The following FRMPD1 variants were observed in gnomAD, a reference collection of about 807,000 sequenced individuals.
FRMPD1 encodes the protein FERM and PDZ domain containing 1.
In FRMPD1, 76 loss-of-function variants were observed where a neutral mutation model predicts 117.8. The observed-to-expected ratio is 0.65, with a 90% confidence interval of 0.54 to 0.78. FRMPD1 has a LOEUF of 0.78. Ranked by LOEUF, FRMPD1 falls within the 30% of genes least tolerant of loss-of-function variation. The pLI, the probability that FRMPD1 is intolerant of heterozygous loss-of-function variation, is 0.00. For missense variants in FRMPD1, 1,786 were observed against 1,964.5 expected, an observed-to-expected ratio of 0.91 and a Z score of 1.72; for synonymous variants, 783 against 770.4, an observed-to-expected ratio of 1.02 and a Z score of -0.27.
At chr9:37,611,472 T>C in the FRMPD1 span, among the ~76,000 whole-genome samples, 1 of 152,234 alleles carries the variant, frequency 6.6e-6, no homozygotes, top group African/African-American at 2.4e-5. Context: ...ATAAAATGAT[T>C]TTGAAAGGAT....
chr9:37,699,545 C>T (rs1468171251), intron 2 of FRMPD1, among the ~76,000 whole-genome samples: 1 of 152,136 alleles, frequency 6.6e-6, no homozygotes, highest in East Asian at 1.9e-4. Context: ...GTCTTGAACT[C>T]CTGATCTGAA....
In FRMPD1 at chr9:37,733,594, C is replaced by A; in HGVS notation, c.1117C>A (p.Gln373Lys). The A allele has an allele frequency of 6.2e-7, 1 of 1,613,934 alleles. No individual in the cohort carries two copies. The highest frequency in any genetic ancestry group is 8.5e-7 in the Non-Finnish European group (1 of 1,179,962). Residue 373 changes from glutamine (Q) to lysine (K), a missense_variant, in exon 11 of 16, where the codon CAG becomes AAG. By Grantham distance (53) the Gln-to-Lys change is moderately conservative (BLOSUM62 1). Transcript: ENST00000377765. ...GAACCAGAATTTGCTGGAACCCCGA[C>A]AGAAGGTAATGAAGGTGCCTCTGCC... ...KRNQNLLEPR[Q>K]KQLISAAQLR...
At chr9:37,650,448 G>A (rs1478237995), upstream of FRMPD1, among the ~76,000 whole-genome samples, 2 of 152,096 alleles carry the variant, frequency 1.3e-5, no homozygotes, top group African/African-American at 4.8e-5. Context: ...AGGGGAGGTG[G>A]TCCACAGTGC....
At chr9:37,612,124 G>T in the FRMPD1 span, among the ~76,000 whole-genome samples, 2 of 152,046 alleles carry the variant, frequency 1.3e-5, no homozygotes, top group Admixed American at 6.6e-5. Context: ...ATATCCCAGG[G>T]GTGTGATGTG....
At chr9:37,609,977 C>T in the FRMPD1 span, among the ~76,000 whole-genome samples, 1 of 152,180 alleles carries the variant, frequency 6.6e-6, no homozygotes, top group Non-Finnish European at 1.5e-5. Context: ...TGTCACTTTC[C>T]CAGAAAGCCC....
chr9:37,689,162 A>G (rs1482317358), intron 1 of FRMPD1, among the ~76,000 whole-genome samples: 1 of 151,976 alleles, frequency 6.6e-6, no homozygotes, highest in Admixed American at 6.6e-5. Flanking sequence ...ACATTATCTA[A>G]TTATTATGAT....
chr9:37,655,618 C>T lies in FRMPD1; in HGVS notation c.-5+4524C>T, dbSNP rs1490216843. Among the ~76,000 whole-genome samples the T allele has an allele frequency of 7.3e-5, 11 of 151,498 alleles. No homozygotes were observed. The South Asian group carries it at 8.4e-4, about 12-fold the overall frequency. ...TCCCGGGTTCAAGCAATTGCCCTGC[C>T]GCAGCCTCCTGAGTACCTGGGACTA... On this transcript the variant is annotated intron_variant, in intron 1 of 15. Coordinates refer to ENST00000377765, the MANE Select transcript of FRMPD1 (RefSeq NM_014907.3).
chr9:37,622,481 C>G, the FRMPD1 span, among the ~76,000 whole-genome samples: 6,057 of 152,292 alleles, frequency 0.04, 264 homozygotes, highest in African/African-American at 0.11. Flanking sequence ...GTTCTAAAAA[C>G]CAAATGTTTA....
At chr9:37,739,917 C>T (rs1001823016) in intron 14 of FRMPD1, among the ~76,000 whole-genome samples, 161 bp from the exon 15 acceptor site, 1 of 152,176 alleles carries the variant, frequency 6.6e-6, no homozygotes, top group Non-Finnish European at 1.5e-5. Context: ...AAGCTGGAGT[C>T]CCTCGGATCC....
At chr9:37,656,820 C>G (rs1327032913) in intron 1 of FRMPD1, among the ~76,000 whole-genome samples, 3 of 151,890 alleles carry the variant, frequency 2.0e-5, no homozygotes, top group Non-Finnish European at 1.5e-5. Context: ...AGGAACTCAT[C>G]TGATGTTTAG....
Position 37,744,694 on chromosome 9 carries a change from C to T in FRMPD1, c.2662C>T (p.Gln888Ter), listed in dbSNP as rs1824599924. 2 of 1,613,726 alleles carry T rather than the reference C, an allele frequency of 1.2e-6. No individual in the cohort carries two copies. The highest frequency in any genetic ancestry group is 1.7e-6 in the Non-Finnish European group (2 of 1,179,814). The change falls in exon 16 of 16, where the codon CAG (glutamine) becomes TAG (stop). Residue 888 changes from glutamine (Q) to a stop codon, truncating the protein, a stop_gained. Coordinates refer to ENST00000377765, the MANE Select transcript of FRMPD1 (RefSeq NM_014907.3). LOFTEE classifies it low-confidence loss of function (END_TRUNC). ...ACCCTCCCCAACTGTGTCCTCTCTGCAGGACATGCAGGGTGAGCCTGGCCT... is the reference window on the plus strand; with the variant it reads ...ACCCTCCCCAACTGTGTCCTCTCTGTAGGACATGCAGGGTGAGCCTGGCCT... ...GAPSPTVSSL[Q>*]DMQGEPGLLE...
chr9:37,678,192 A>T (rs1200363626), intron 1 of FRMPD1, among the ~76,000 whole-genome samples: 2 of 142,550 alleles, frequency 1.4e-5, no homozygotes, highest in Non-Finnish European at 3.0e-5. Flanking sequence ...CCTACCCATG[A>T]CCTCCAGCTT....
intron 2 of FRMPD1, among the ~76,000 whole-genome samples, chr9:37,698,925 G>A (rs555421198): frequency 6.8e-4 from 103 of 152,076 alleles, no homozygotes; most frequent in South Asian, 4.2e-3. Context: ...TTTTAGTAGA[G>A]ACAGGGTTTC....
chr9:37,744,243 A>G, intron 15 of FRMPD1, 146 bp from the exon 16 acceptor site: 1 of 566,092 alleles, frequency 1.8e-6, no homozygotes, highest in Non-Finnish European at 3.1e-6. Context: ...TCAGATGAGG[A>G]AGTTGAGGAG....
rs563153582 is a variant in FRMPD1, at chr9:37,699,333, T to A, written c.101+6591T>A. Among the ~76,000 whole-genome samples, 3 of 151,952 alleles carry A rather than the reference T, an allele frequency of 2.0e-5. No homozygotes were observed. The South Asian group carries it at 6.3e-4, about 32-fold the overall frequency. ...TCTCTGTCTCTCTCTTTTTTTTTTT[T>A]TTTTGAGATAGGGTCTTGCTCTGTT... On this transcript the variant is annotated intron_variant, in intron 2 of 15. Coordinates refer to ENST00000377765, the MANE Select transcript of FRMPD1 (RefSeq NM_014907.3).
chr9:37,645,273 A>G, the FRMPD1 span, among the ~76,000 whole-genome samples: 1 of 152,198 alleles, frequency 6.6e-6, no homozygotes, highest in Non-Finnish European at 1.5e-5. Flanking sequence ...GAGCTTGAAT[A>G]TTTTTTAAAA....
intron 2 of FRMPD1, among the ~76,000 whole-genome samples, chr9:37,695,688 T>C (rs1374624693): frequency 4.6e-5 from 7 of 152,276 alleles, no homozygotes; most frequent in Non-Finnish European, 1.0e-4. Flanking sequence ...CCTTGTTGCC[T>C]GGTCAAGAAA....
chr9:37,615,360 C>G, the FRMPD1 span, among the ~76,000 whole-genome samples: 3 of 152,104 alleles, frequency 2.0e-5, no homozygotes, highest in African/African-American at 7.2e-5. Context: ...ATCTACCCAC[C>G]TCGGCCTCTG....
chr9:37,729,815 C>A lies in FRMPD1; in HGVS notation c.700C>A (p.Arg234=). ...LALEEQYSIS[R]LHLLHEEELI... ...CCTGGAAGAGCAGTACAGCATCTCC[C>A]GGCTGCACCTGCTGCACGAAGAGGA... The change falls in exon 8 of 16, where the codon CGG becomes AGG. Residue 234 remains arginine (R), a synonymous_variant. Transcript: ENST00000377765. 6.2e-7 allele frequency: 1 copy of A among 1,613,980 alleles called. No individual in the cohort carries two copies. Among genetic ancestry groups the A allele is most frequent in the Middle Eastern group, 1.6e-4 (1 of 6,062 alleles).
Sources: gnomAD v4.1 joint callset for allele counts (sites outside exome capture counted in the v4.1 genomes callset) on GRCh38, gnomAD v4.1.1 for gene constraint, MANE v1.5 for transcripts, NCBI Gene and HGNC (gene_info 2026-07-23, HGNC 2026-07-21) for gene names.